TRANK1: variants seen among roughly 807,000 people sequenced by gnomAD.
TRANK1 encodes tetratricopeptide repeat and ankyrin repeat containing 1.
TRANK1 carries 198 observed loss-of-function variants against 266.0 expected under a neutral mutation model. The observed-to-expected ratio is 0.74, with a 90% CI of 0.66 to 0.84. TRANK1 has a LOEUF of 0.84. Ranked by LOEUF, TRANK1 falls within the 40% of genes least tolerant of loss-of-function variation. The pLI is 0.00. For synonymous variants in TRANK1, 1,396 were observed against 1,384.1 expected (o/e 1.01, Z -0.19); for missense variants, 3,326 against 3,634.6 (o/e 0.92, Z 2.18).
chr3:36,853,994 T>TAAAAAACA (rs2079017315), intron 13 of TRANK1, among the ~76,000 whole-genome samples: 1 of 152,172 alleles, frequency 6.6e-6, no homozygotes. Context: ...AACTGAACAT[T>TAAAAAACA]TCAAATGGGT....
At chr3:36,939,965 A>G (rs2080473816) in intron 1 of TRANK1, among the ~76,000 whole-genome samples, 1 of 151,574 alleles carries the variant, frequency 6.6e-6, no homozygotes, top group African/African-American at 2.4e-5. Flanking sequence ...ATCTTGGCTC[A>G]CTGCAACCTC....
chr3:36,918,543 GAA>G (rs2125645550), intron 1 of TRANK1, among the ~76,000 whole-genome samples: 1 of 50,718 alleles, frequency 2.0e-5, no homozygotes, highest in African/African-American at 7.5e-5. Flanking sequence ...AGGAAGGAAG[GAA>G]GGAAGGAAGG....
intron 18 of TRANK1, among the ~76,000 whole-genome samples, chr3:36,842,123 C>T (rs971237158): frequency 2.0e-5 from 3 of 152,138 alleles, no homozygotes; most frequent in African/African-American, 7.2e-5. Context: ...GAAAACTGCT[C>T]AGGACCACTA....
At chr3:36,911,343 A>G (rs1187586897) in intron 1 of TRANK1, among the ~76,000 whole-genome samples, 2 of 152,140 alleles carry the variant, frequency 1.3e-5, no homozygotes. Context: ...GATTTTCTGA[A>G]TTTCCAATCA....
At chr3:36,887,400 G>C (rs903903839) in intron 8 of TRANK1, among the ~76,000 whole-genome samples, 8 of 152,088 alleles carry the variant, frequency 5.3e-5, no homozygotes, top group African/African-American at 1.9e-4. Context: ...TCTATGATGA[G>C]GTTTCTTTAC....
chr3:36,887,463 C>T (rs1402820838), intron 8 of TRANK1, among the ~76,000 whole-genome samples: 1 of 152,202 alleles, frequency 6.6e-6, no homozygotes, highest in Non-Finnish European at 1.5e-5. Context: ...TAACGTCCCA[C>T]CACACATCTC....
intron 1 of TRANK1, among the ~76,000 whole-genome samples, chr3:36,922,691 G>T (rs577492446): frequency 6.6e-6 from 1 of 150,686 alleles, no homozygotes; most frequent in Non-Finnish European, 1.5e-5. Flanking sequence ...CAGGAGAATC[G>T]CTTAAACCCA....
intron 13 of TRANK1, among the ~76,000 whole-genome samples, chr3:36,853,106 C>T (rs539606987): frequency 6.6e-6 from 1 of 152,330 alleles, no homozygotes; most frequent in Non-Finnish European, 1.5e-5. Flanking sequence ...GTGACATTGG[C>T]TTAATGCCTA....
intron 10 of TRANK1, among the ~76,000 whole-genome samples, chr3:36,863,289 G>A (rs1250771980): frequency 6.6e-6 from 1 of 152,192 alleles, no homozygotes; most frequent in Non-Finnish European, 1.5e-5. Flanking sequence ...GGGCTTTTAT[G>A]AGATTTTTAC....
intron 1 of TRANK1, among the ~76,000 whole-genome samples, chr3:36,932,013 C>A (rs2080366656): frequency 6.6e-6 from 1 of 152,124 alleles, no homozygotes; most frequent in Non-Finnish European, 1.5e-5. Context: ...TTCTTCATAA[C>A]CTTTTTATAT....
chr3:36,927,050 A>G (rs2080298276), intron 1 of TRANK1, among the ~76,000 whole-genome samples: 2 of 152,220 alleles, frequency 1.3e-5, no homozygotes, highest in African/African-American at 2.4e-5. Context: ...GGTATCAGCC[A>G]GTAAAAGAAC....
At chr3:36,847,604 G>C (rs986222481) in intron 15 of TRANK1, among the ~76,000 whole-genome samples, 2 of 152,110 alleles carry the variant, frequency 1.3e-5, no homozygotes, top group African/African-American at 4.8e-5. Flanking sequence ...CCACTTCCAG[G>C]GAAGAATGCT....
chr3:36,910,543 C>T (rs1240193826), intron 1 of TRANK1, among the ~76,000 whole-genome samples: 3 of 151,668 alleles, frequency 2.0e-5, no homozygotes, highest in Non-Finnish European at 4.4e-5. Context: ...AGTTCGAGTC[C>T]AGCCTGGCCA....
Position 36,841,014 on chromosome 3 carries a change from C to T in TRANK1, c.5280+1608G>A, listed in dbSNP as rs544213801. Reference sequence around the variant, plus strand: ...CCCTGAAACAATAGACAAAACTCTTCGAAGAACTGGAGCTGAGAAAACATT... The same window carrying T: ...CCCTGAAACAATAGACAAAACTCTTTGAAGAACTGGAGCTGAGAAAACATT... On this transcript the variant is annotated intron_variant, in intron 18 of 23. Coordinates refer to ENST00000645898, the MANE Select transcript of TRANK1 (RefSeq NM_001329998.2). Among the ~76,000 whole-genome samples the T allele has an allele frequency of 7.9e-4, 120 of 152,316 alleles. 1 individual carries two copies. The highest frequency in any genetic ancestry group is 2.6e-3 in the African/African-American group (109 of 41,578).
At chr3:36,829,802 G>A (rs2125501134) in intron 22 of TRANK1, 140 bp from the exon 23 acceptor site, 4 of 829,604 alleles carry the variant, frequency 4.8e-6, no homozygotes, top group Admixed American at 2.4e-5. Context: ...ATCGGGTAAG[G>A]GACCCAAAGC....
chr3:36,889,464 C>T (rs2079656011), intron 8 of TRANK1, among the ~76,000 whole-genome samples: 1 of 152,206 alleles, frequency 6.6e-6, no homozygotes, highest in African/African-American at 2.4e-5. Flanking sequence ...ATGTGCAGTT[C>T]AGTTCACAAT....
chr3:36,919,379 C>G (rs915123188), intron 1 of TRANK1, among the ~76,000 whole-genome samples: 1 of 152,188 alleles, frequency 6.6e-6, no homozygotes, highest in Non-Finnish European at 1.5e-5. Flanking sequence ...TCTTGAACCC[C>G]ATAATAACAT....
chr3:36,916,210 T>C (rs2080121939), intron 1 of TRANK1, among the ~76,000 whole-genome samples: 1 of 152,218 alleles, frequency 6.6e-6, no homozygotes, highest in Non-Finnish European at 1.5e-5. Flanking sequence ...CATAGCCACA[T>C]GTGGCTAGTG....
At chr3:36,866,114 A>AAGAAAGAAAG (rs1553622467) in intron 9 of TRANK1, among the ~76,000 whole-genome samples, 1 of 148,238 alleles carries the variant, frequency 6.7e-6, no homozygotes, top group Non-Finnish European at 1.5e-5. Context: ...GAAAGAAAGA[A>AAGAAAGAAAG]AGAGTCACCG....
Sources: gnomAD v4.1 joint callset for allele counts (sites outside exome capture counted in the v4.1 genomes callset) on GRCh38, gnomAD v4.1.1 for gene constraint, MANE v1.5 for transcripts, NCBI Gene and HGNC (gene_info 2026-07-23, HGNC 2026-07-21) for gene names.